The following PDGFRL variants were observed in gnomAD, a reference collection of about 807,000 sequenced individuals.
The protein encoded by PDGFRL is platelet-derived growth factor receptor-like protein.
A neutral mutation model predicts 37.2 loss-of-function variants in PDGFRL; 46 were observed. That is an observed-to-expected ratio of 1.24 (90% confidence interval 0.98 to 1.58). The LOEUF is 1.58. PDGFRL is among the 40% of genes most tolerant of loss of function. PDGFRL has a pLI of 0.00. For missense variants in PDGFRL, 692 were observed against 467.6 expected (o/e 1.48, Z -4.43); for synonymous variants, 251 against 184.3 (o/e 1.36, Z -2.93).
intron 2 of PDGFRL, among the ~76,000 whole-genome samples, chr8:17,610,048 C>G (rs944735680): frequency 8.5e-5 from 13 of 152,304 alleles, no homozygotes; most frequent in Admixed American, 6.5e-4. Flanking sequence ...ATGGCTGTTG[C>G]ATTCACTATT....
At chr8:17,617,803 T>G (rs1563521934) in intron 2 of PDGFRL, among the ~76,000 whole-genome samples, 1 of 152,132 alleles carries the variant, frequency 6.6e-6, no homozygotes, top group East Asian at 1.9e-4. Context: ...CTAATTACTT[T>G]CCCAGTAGGA....
At chr8:17,639,796 G>C (rs1234795817) in intron 5 of PDGFRL, among the ~76,000 whole-genome samples, 1 of 152,132 alleles carries the variant, frequency 6.6e-6, no homozygotes, top group Non-Finnish European at 1.5e-5. Context: ...GGTGTTCTTT[G>C]AGCTTCTTGT....
At chr8:17,606,890 T>TTTG (rs1554551680) in intron 2 of PDGFRL, among the ~76,000 whole-genome samples, 2,551 of 12,328 alleles carry the variant, frequency 0.21, 113 homozygotes, top group African/African-American at 0.34. Flanking sequence ...TTTTTTGTTT[T>TTTG]TTTGTTTTTT....
Position 17,583,180 on chromosome 8 carries a change from G to A in PDGFRL, c.55+5873G>A, listed in dbSNP as rs904082032. On this transcript the variant is annotated intron_variant, in intron 1 of 5. Transcript: ENST00000251630. ...GATGTATCAGAAAGCCTGAGTGTGC[G>A]AGCAGAAGCCTGCTACAGGGGCAGA... 4.6e-5 allele frequency among the ~76,000 whole-genome samples: 7 copies of A among 152,156 alleles called. No homozygotes were observed. In the East Asian group the frequency reaches 7.7e-4, roughly 17 times the overall value.
At chr8:17,606,886 G>GTTTTTTTT (rs371085758) in intron 2 of PDGFRL, among the ~76,000 whole-genome samples, 13 of 138,268 alleles carry the variant, frequency 9.4e-5, no homozygotes, top group African/African-American at 2.5e-4. Flanking sequence ...TTCGTTTTTT[G>GTTTTTTTT]TTTTTTTGTT....
intron 2 of PDGFRL, among the ~76,000 whole-genome samples, chr8:17,619,376 G>A (rs1804588604): frequency 6.6e-6 from 1 of 152,142 alleles, no homozygotes; most frequent in African/African-American, 2.4e-5. Context: ...TAATAAATAT[G>A]TATGCCCCTC....
chr8:17,584,476 A>G (rs1585297459), intron 1 of PDGFRL, among the ~76,000 whole-genome samples: 2 of 152,006 alleles, frequency 1.3e-5, no homozygotes, highest in Non-Finnish European at 2.9e-5. Context: ...GGTCACTTAG[A>G]GAGTGAAGAG....
intron 1 of PDGFRL, among the ~76,000 whole-genome samples, chr8:17,582,246 A>C (rs1316428682): frequency 6.6e-6 from 1 of 152,058 alleles, no homozygotes; most frequent in African/African-American, 2.4e-5. Context: ...TAAAGAAGAA[A>C]TTTTTAATCA....
chr8:17,630,100 G>A (rs1305813038), intron 4 of PDGFRL, among the ~76,000 whole-genome samples: 4 of 152,176 alleles, frequency 2.6e-5, no homozygotes, highest in African/African-American at 9.7e-5. Flanking sequence ...GAGGGTAGAG[G>A]GCATGGCCAT....
At position 17,627,946 on chromosome 8, in the gene PDGFRL, G is replaced by A. The variant is rs147429274; in HGVS notation, c.506-541G>A. Among the ~76,000 whole-genome samples the A allele has an allele frequency of 8.4e-3, 1,251 of 149,192 alleles. 24 individuals are homozygous for A. Among genetic ancestry groups the A allele is most frequent in the African/African-American group, 0.03 (1,196 of 40,414 alleles). On this transcript the variant is annotated intron_variant, in intron 3 of 5. Coordinates refer to ENST00000251630, the MANE Select transcript of PDGFRL (RefSeq NM_001372073.1). ...TTCCTCATGGTGGTGATCCATGGGCGTCATCTGGGCTTGTACTGATACCTT... is the reference window on the plus strand; with the variant it reads ...TTCCTCATGGTGGTGATCCATGGGCATCATCTGGGCTTGTACTGATACCTT...
At chr8:17,631,299 T>C (rs939406499) in intron 4 of PDGFRL, among the ~76,000 whole-genome samples, 1 of 152,138 alleles carries the variant, frequency 6.6e-6, no homozygotes, top group Non-Finnish European at 1.5e-5. Flanking sequence ...CCGAGAACTC[T>C]CACCTTGACC....
At position 17,589,653 on chromosome 8, in the gene PDGFRL, G is replaced by A. The variant is rs139878306; in HGVS notation, c.241G>A (p.Ala81Thr). 164 of 1,613,670 alleles carry A rather than the reference G, an allele frequency of 1.0e-4. No individual in the cohort carries two copies. The highest frequency in any genetic ancestry group is 1.8e-4 in the Admixed American group (11 of 59,996). Residue 81 changes from alanine (A) to threonine (T), a missense_variant, in exon 2 of 6, where the codon GCC becomes ACC. By Grantham distance (58) the Ala-to-Thr change is moderately conservative. Transcript: ENST00000251630. ...GGATAAAGGTCGCTTCCAGAAACCCGCCGCTACCCTGAGTCTGCTGGCGGG... is the reference window on the plus strand; with the variant it reads ...GGATAAAGGTCGCTTCCAGAAACCCACCGCTACCCTGAGTCTGCTGGCGGG... ...VLDKGRFQKP[A>T]ATLSLLAGQT...
intron 4 of PDGFRL, among the ~76,000 whole-genome samples, chr8:17,630,303 TC>T (rs1336522694): frequency 6.6e-6 from 1 of 152,230 alleles, no homozygotes; most frequent in East Asian, 1.9e-4. Context: ...TGGAACTACT[TC>T]TTTCAATGTG....
rs925825668 is a variant in PDGFRL, at chr8:17,627,617, G to A, written c.506-870G>A. ...CCCATGTAGCTGGGACTACAGGCGC[G>A]CACCACCACACTCAGCTAATTTTTT... is the stretch of plus-strand genomic sequence containing the variant. On this transcript the variant is annotated intron_variant, in intron 3 of 5. Transcript: ENST00000251630. 2.0e-5 allele frequency among the ~76,000 whole-genome samples: 3 copies of A among 150,278 alleles called. 1 individual carries two copies. In the South Asian group the frequency reaches 6.4e-4, roughly 32 times the overall value.
chr8:17,610,268 C>G (rs1022533276), intron 2 of PDGFRL, among the ~76,000 whole-genome samples: 7 of 152,134 alleles, frequency 4.6e-5, no homozygotes, highest in African/African-American at 1.7e-4. Flanking sequence ...CAGAGAAGTG[C>G]TGATGAGCTT....
chr8:17,624,843 G>A (rs1030763898), intron 3 of PDGFRL, among the ~76,000 whole-genome samples: 4 of 152,136 alleles, frequency 2.6e-5, no homozygotes, highest in South Asian at 4.2e-4. Context: ...AGGAGGCAGC[G>A]AGTCAAAGTT....
chr8:17,610,352 C>T (rs187945697), intron 2 of PDGFRL, among the ~76,000 whole-genome samples: 160 of 152,200 alleles, frequency 1.1e-3, no homozygotes, highest in Non-Finnish European at 2.0e-3. Context: ...ATCCGGAATC[C>T]GAAATGCTAC....
At chr8:17,579,007 G>A (rs779819196) in intron 1 of PDGFRL, among the ~76,000 whole-genome samples, 41 of 152,118 alleles carry the variant, frequency 2.7e-4, no homozygotes, top group Non-Finnish European at 5.4e-4. Flanking sequence ...AGACCAGCCT[G>A]GCCAAGATGG....
chr8:17,634,117 CA>C lies in PDGFRL; in HGVS notation c.846del (p.Val283Ter). On this transcript the variant is annotated frameshift_variant, in exon 5 of 6. Coordinates refer to ENST00000251630, the MANE Select transcript of PDGFRL (RefSeq NM_001372073.1). LOFTEE classifies it high-confidence loss of function. Reference protein sequence around the residue: ...PSTTILASSNKVKSGDDISVL... With the variant: ...PSTTILASSNXVKSGDDISVL... Reference sequence around the variant, plus strand: ...CAACAACCATCTTGGCTTCTTCAAACAAAGTGAAAAGTGGGGACGACATCAG... The same window carrying C: ...CAACAACCATCTTGGCTTCTTCAAACAAGTGAAAAGTGGGGACGACATCAG... 1 of 1,613,892 alleles carries C rather than the reference CA, an allele frequency of 6.2e-7. No homozygotes were observed. Among genetic ancestry groups the C allele is most frequent in the Non-Finnish European group, 8.5e-7 (1 of 1,179,750 alleles).
Sources: allele counts gnomAD v4.1 joint callset (sites outside exome capture counted in the v4.1 genomes callset), GRCh38; gene constraint gnomAD v4.1.1; transcripts MANE v1.5; gene names NCBI Gene and HGNC (gene_info 2026-07-23, HGNC 2026-07-21).